Variants in NDUFAF2 observed in about 807,000 individuals in gnomAD.
The protein encoded by NDUFAF2 is NADH:ubiquinone oxidoreductase complex assembly factor 2.
A neutral mutation model predicts 22.8 loss-of-function variants in NDUFAF2; 13 were observed. That is an observed-to-expected ratio of 0.57 (90% CI 0.37 to 0.91). NDUFAF2 has a LOEUF of 0.91. NDUFAF2 is among the 40% of genes least tolerant of loss of function. The pLI is 0.01. For missense variants in NDUFAF2, 162 were observed against 195.2 expected, an observed-to-expected ratio of 0.83 and a Z score of 1.01; for synonymous variants, 53 against 64.2, an observed-to-expected ratio of 0.83 and a Z score of 0.84.
intron 3 of NDUFAF2, among the ~76,000 whole-genome samples, chr5:61,131,897 A>G (rs374392407): frequency 4.7e-4 from 72 of 152,134 alleles, no homozygotes; most frequent in African/African-American, 1.7e-3. Flanking sequence ...TGTTGTTTAC[A>G]TTTCTGTATT....
chr5:61,062,174 C>A (rs1267986933), intron 1 of NDUFAF2, among the ~76,000 whole-genome samples: 4 of 152,096 alleles, frequency 2.6e-5, no homozygotes, highest in Non-Finnish European at 5.9e-5. Context: ...AAATATGACA[C>A]CACTACAAAA....
At chr5:60,963,289 T>C (rs1397359593) in intron 1 of NDUFAF2, among the ~76,000 whole-genome samples, 3 of 152,178 alleles carry the variant, frequency 2.0e-5, no homozygotes, top group Admixed American at 2.0e-4. Context: ...CTTGAAACTA[T>C]TGTTTTCCTA....
At chr5:61,020,009 T>TAA (rs1478016890) in intron 1 of NDUFAF2, among the ~76,000 whole-genome samples, 1 of 152,192 alleles carries the variant, frequency 6.6e-6, no homozygotes, top group Admixed American at 6.5e-5. Context: ...CAGATTCTAT[T>TAA]TAGTTTCTCT....
intron 2 of NDUFAF2, among the ~76,000 whole-genome samples, chr5:61,089,635 A>G (rs1752543462): frequency 6.6e-6 from 1 of 152,098 alleles, no homozygotes; most frequent in African/African-American, 2.4e-5. Flanking sequence ...ATAAATATAC[A>G]AGCTTATTTC....
chr5:61,062,523 T>G (rs1374167507), intron 1 of NDUFAF2, among the ~76,000 whole-genome samples: 3 of 151,862 alleles, frequency 2.0e-5, no homozygotes, highest in Non-Finnish European at 2.9e-5. Flanking sequence ...GAAAAAAGAA[T>G]GAAAAAGAGT....
At chr5:61,125,884 T>C (rs1753030266) in intron 3 of NDUFAF2, among the ~76,000 whole-genome samples, 2 of 152,036 alleles carry the variant, frequency 1.3e-5, no homozygotes, top group African/African-American at 4.8e-5. Flanking sequence ...ACCTACACAA[T>C]ATAAAACAGT....
At chr5:60,964,539 G>A (rs909372336) in intron 1 of NDUFAF2, among the ~76,000 whole-genome samples, 14 of 150,976 alleles carry the variant, frequency 9.3e-5, no homozygotes, top group Admixed American at 2.6e-4. Context: ...CAACCTCTGC[G>A]TCCCAGGTTC....
At chr5:60,957,953 T>G (rs1284267682) in intron 1 of NDUFAF2, among the ~76,000 whole-genome samples, 1 of 152,210 alleles carries the variant, frequency 6.6e-6, no homozygotes, top group Non-Finnish European at 1.5e-5. Flanking sequence ...GTAGCACTAG[T>G]GGCATTTTTG....
intron 1 of NDUFAF2, among the ~76,000 whole-genome samples, chr5:60,983,879 T>A (rs1461129599): frequency 6.6e-6 from 1 of 152,140 alleles, no homozygotes; most frequent in Non-Finnish European, 1.5e-5. Context: ...GTCTTGGCAA[T>A]GTGGCTCTTT....
chr5:61,006,496 G>A (rs1036891967), intron 1 of NDUFAF2, among the ~76,000 whole-genome samples: 2 of 152,150 alleles, frequency 1.3e-5, no homozygotes, highest in Non-Finnish European at 2.9e-5. Flanking sequence ...TTGGTAGCTT[G>A]ATGGGGATGG....
intron 1 of NDUFAF2, among the ~76,000 whole-genome samples, chr5:61,067,205 A>G (rs952746122): frequency 6.6e-6 from 1 of 152,060 alleles, no homozygotes; most frequent in Non-Finnish European, 1.5e-5. Context: ...CATGTGCACA[A>G]CGTGCAGGTT....
intron 1 of NDUFAF2, among the ~76,000 whole-genome samples, chr5:60,985,934 C>G (rs1241228068): frequency 1.3e-5 from 2 of 152,102 alleles, no homozygotes; most frequent in East Asian, 1.9e-4. Context: ...ACATTAAAAT[C>G]AGAACTACAA....
At chr5:61,066,628 C>T (rs906745679) in intron 1 of NDUFAF2, among the ~76,000 whole-genome samples, 3 of 151,854 alleles carry the variant, frequency 2.0e-5, no homozygotes, top group South Asian at 2.1e-4. Context: ...GAAAAATCTG[C>T]GGATGATCAA....
At chr5:61,098,506 A>G (rs1752670695) in intron 2 of NDUFAF2, among the ~76,000 whole-genome samples, 1 of 152,196 alleles carries the variant, frequency 6.6e-6, no homozygotes, top group Non-Finnish European at 1.5e-5. Flanking sequence ...GCCTGATGAT[A>G]TTTTTGCTTG....
chr5:60,952,950 GA>G (rs147073370), intron 1 of NDUFAF2, among the ~76,000 whole-genome samples: 3,039 of 151,674 alleles, frequency 0.02, 120 homozygotes, highest in African/African-American at 0.07. Context: ...AAAAAGACCA[GA>G]AAAAAAAGAG....
intron 1 of NDUFAF2, among the ~76,000 whole-genome samples, chr5:61,005,707 T>C (rs1751357587): frequency 6.6e-6 from 1 of 152,232 alleles, no homozygotes; most frequent in Non-Finnish European, 1.5e-5. Context: ...ATGAGCATTT[T>C]TTCATGTGTC....
chr5:60,950,934 T>C (rs1200562931), intron 1 of NDUFAF2, among the ~76,000 whole-genome samples: 1 of 152,166 alleles, frequency 6.6e-6, no homozygotes, highest in Non-Finnish European at 1.5e-5. Context: ...TGCTGTCATA[T>C]AGTATGTGAT....
chr5:60,969,716 C>T (rs1029800011), intron 1 of NDUFAF2, among the ~76,000 whole-genome samples: 1 of 152,140 alleles, frequency 6.6e-6, no homozygotes, highest in East Asian at 1.9e-4. Flanking sequence ...TGTGGAGAAG[C>T]TTTTTAACTT....
chr5:61,134,836 G>C (rs947671476), intron 3 of NDUFAF2, among the ~76,000 whole-genome samples: 1 of 151,984 alleles, frequency 6.6e-6, no homozygotes, highest in Non-Finnish European at 1.5e-5. Context: ...ACATCAGTGA[G>C]TGTATTCATT....
Sources: allele counts gnomAD v4.1 joint callset (sites outside exome capture counted in the v4.1 genomes callset), GRCh38; gene constraint gnomAD v4.1.1; transcripts MANE v1.5; gene names NCBI Gene and HGNC (gene_info 2026-07-23, HGNC 2026-07-21).